Variants in PLEKHA8 observed in about 807,000 individuals in gnomAD.
The protein encoded by PLEKHA8 is pleckstrin homology domain containing A8, also known as pleckstrin homology domain-containing family A member 8.
PLEKHA8 carries 36 observed loss-of-function variants against 68.2 expected under a neutral mutation model. That is an observed-to-expected ratio of 0.53 (90% CI 0.40 to 0.70). PLEKHA8 has a LOEUF of 0.70. PLEKHA8 is among the 30% of genes least tolerant of loss of function. The pLI is 0.00. For synonymous variants in PLEKHA8, 211 were observed against 216.1 expected (o/e 0.98, Z 0.20); for missense variants, 505 against 615.4 (o/e 0.82, Z 1.90).
At chr7:30,099,492 C>G (rs1373028773) in intron 13 of PLEKHA8, among the ~76,000 whole-genome samples, 1 of 152,202 alleles carries the variant, frequency 6.6e-6, no homozygotes, top group Non-Finnish European at 1.5e-5. Context: ...CACAAAGTCT[C>G]CCTTGAGGTG....
At position 30,055,334 on chromosome 7, in the gene PLEKHA8, C is replaced by T; in HGVS notation, c.1031C>T (p.Pro344Leu). The T allele has an allele frequency of 6.2e-7, 1 of 1,613,816 alleles. No homozygotes were observed. Among genetic ancestry groups the T allele is most frequent in the Non-Finnish European group, 8.5e-7 (1 of 1,179,770 alleles). The change falls in exon 9 of 14, where the codon CCA becomes CTA. Residue 344 changes from proline (P) to leucine (L), a missense_variant. By Grantham distance (98) the Pro-to-Leu change is moderately conservative. Coordinates refer to ENST00000449726, the MANE Select transcript of PLEKHA8 (RefSeq NM_001197026.2). Reference protein sequence around the residue: ...AFLASCYAVVPVLDKLGPTVF... With the variant: ...AFLASCYAVVLVLDKLGPTVF... ...TTGGCATCATGTTATGCTGTGGTTC[C>T]AGTATTAGGTAAGATTCCTGCAGTT...
At chr7:30,032,632 T>C (rs1465720076) in intron 1 of PLEKHA8, among the ~76,000 whole-genome samples, 2 of 152,238 alleles carry the variant, frequency 1.3e-5, no homozygotes, top group South Asian at 2.1e-4. Context: ...TATGTAATTC[T>C]AGCTGATTCA....
intron 12 of PLEKHA8, among the ~76,000 whole-genome samples, chr7:30,065,227 T>C (rs950747540): frequency 6.6e-6 from 1 of 152,188 alleles, no homozygotes; most frequent in Non-Finnish European, 1.5e-5. Flanking sequence ...TCGGCACAAT[T>C]TTCAATGGAA....
chr7:30,077,231 C>T (rs1242523611), intron 13 of PLEKHA8, among the ~76,000 whole-genome samples: 2 of 152,118 alleles, frequency 1.3e-5, no homozygotes, highest in African/African-American at 2.4e-5. Context: ...TTGTCCCTTT[C>T]GAAATGTTTT....
intron 9 of PLEKHA8, among the ~76,000 whole-genome samples, chr7:30,057,377 T>A (rs965688992): frequency 6.6e-6 from 1 of 152,202 alleles, no homozygotes; most frequent in African/African-American, 2.4e-5. Flanking sequence ...TATTGCTAAG[T>A]AGTATTCCAT....
At chr7:30,127,824 T>C (rs1489133755) in intron 13 of PLEKHA8, among the ~76,000 whole-genome samples, 3 of 152,244 alleles carry the variant, frequency 2.0e-5, no homozygotes, top group African/African-American at 7.2e-5. Flanking sequence ...TTTACATTCA[T>C]TTCAGCATTC....
intron 13 of PLEKHA8, among the ~76,000 whole-genome samples, chr7:30,100,843 CTATT>C (rs1166739576): frequency 2.0e-5 from 3 of 152,178 alleles, no homozygotes; most frequent in African/African-American, 4.8e-5. Context: ...TCTGCAAAGA[CTATT>C]TAAGCTAATA....
At chr7:30,029,391 C>A (rs1169410170) in intron 1 of PLEKHA8, among the ~76,000 whole-genome samples, 2 of 152,196 alleles carry the variant, frequency 1.3e-5, no homozygotes, top group Non-Finnish European at 2.9e-5. Flanking sequence ...TTTTGTTTTA[C>A]AGACTCAGAA....
intron 9 of PLEKHA8, among the ~76,000 whole-genome samples, chr7:30,059,919 C>G (rs1479487599): frequency 6.6e-6 from 1 of 152,244 alleles, no homozygotes; most frequent in African/African-American, 2.4e-5. Flanking sequence ...CATGGTGGCT[C>G]ACGCCTGTAA....
chr7:30,055,226 CTT>C (rs780789796), intron 8 of PLEKHA8, 29 bp from the exon 9 acceptor site: 1 of 1,585,696 alleles, frequency 6.3e-7, no homozygotes, highest in Non-Finnish European at 8.7e-7. Context: ...TATTTTCAAT[CTT>C]TTCTCCTCCA....
At chr7:30,049,526 G>C in intron 5 of PLEKHA8, 144 bp downstream of exon 5, 1 of 1,027,508 alleles carries the variant, frequency 9.7e-7, no homozygotes, top group East Asian at 2.7e-5. Context: ...TTTTATATCT[G>C]TCCTCAGCAC....
At chr7:30,044,976 AG>A in intron 1 of PLEKHA8, 108 bp from the exon 2 acceptor site, 1 of 608,488 alleles carries the variant, frequency 1.6e-6, no homozygotes, top group South Asian at 3.5e-5. Context: ...GGCAATGTAA[AG>A]CTCCTTGGAG....
At chr7:30,104,505 AACT>A (rs1203670640) in intron 13 of PLEKHA8, among the ~76,000 whole-genome samples, 2 of 152,174 alleles carry the variant, frequency 1.3e-5, no homozygotes, top group African/African-American at 2.4e-5. Context: ...ACAAGGAGAA[AACT>A]ACTGATAGAC....
At chr7:30,098,959 C>T (rs1795743627) in intron 13 of PLEKHA8, among the ~76,000 whole-genome samples, 4 of 152,218 alleles carry the variant, frequency 2.6e-5, no homozygotes, top group South Asian at 2.1e-4. Context: ...ATCTTGGCTC[C>T]ACCTCAACCT....
chr7:30,043,654 T>G (rs1791715560), intron 1 of PLEKHA8, among the ~76,000 whole-genome samples: 1 of 152,170 alleles, frequency 6.6e-6, no homozygotes, highest in African/African-American at 2.4e-5. Context: ...GAGCAAAATA[T>G]GTTGCCTACC....
chr7:30,086,919 T>A (rs141544352), downstream of PLEKHA8, among the ~76,000 whole-genome samples: 1 of 152,206 alleles, frequency 6.6e-6, no homozygotes, highest in Admixed American at 6.5e-5. Flanking sequence ...AAAATAGAGA[T>A]AACCACCTTT....
intron 9 of PLEKHA8, among the ~76,000 whole-genome samples, chr7:30,056,278 T>TTCTCTC (rs761685260): frequency 0.039 from 2,208 of 56,322 alleles, 84 homozygotes; most frequent in Admixed American, 0.075. Context: ...TAAAGATATA[T>TTCTCTC]TCTCTCTCTC....
intron 12 of PLEKHA8, among the ~76,000 whole-genome samples, chr7:30,065,793 A>G (rs1793806467): frequency 6.6e-6 from 1 of 152,234 alleles, no homozygotes; most frequent in African/African-American, 2.4e-5. Context: ...CTCTCCAGTG[A>G]ATAAACTGAG....
At chr7:30,070,973 A>C (rs1046375920) in intron 12 of PLEKHA8, among the ~76,000 whole-genome samples, 1 of 152,322 alleles carries the variant, frequency 6.6e-6, no homozygotes, top group East Asian at 1.9e-4. Context: ...TTATTTCCCT[A>C]CCACAATTCT....
Sources: gnomAD v4.1 joint callset for allele counts (sites outside exome capture counted in the v4.1 genomes callset) on GRCh38, gnomAD v4.1.1 for gene constraint, MANE v1.5 for transcripts, NCBI Gene and HGNC (gene_info 2026-07-23, HGNC 2026-07-21) for gene names.